Variants in STX2 observed in about 807,000 individuals in gnomAD.
STX2 encodes the protein syntaxin 2.
In STX2, 27 loss-of-function variants were observed where a neutral mutation model predicts 40.6. The ratio of observed to expected loss-of-function variants is 0.66; its 90% confidence interval spans 0.49 to 0.92. STX2 has a LOEUF of 0.92. Ranked by LOEUF, STX2 falls within the 40% of genes least tolerant of loss-of-function variation. STX2 has a pLI of 0.00. For synonymous variants in STX2, 123 were observed against 119.1 expected (o/e 1.03, Z -0.22); for missense variants, 328 against 366.1 (o/e 0.90, Z 0.85).
At position 130,822,592 on chromosome 12, in the gene STX2, C is replaced by T. The variant is rs12229504; in HGVS notation, c.106-804G>A. On this transcript the variant is annotated intron_variant, in intron 2 of 10. Coordinates refer to ENST00000392373, the MANE Select transcript of STX2 (RefSeq NM_194356.4). ...TATCTAGATGGAGTCATAACATTAT[C>T]TTCAAAAACCTCTACGGCAGGCTGA... 5.3e-3 allele frequency among the ~76,000 whole-genome samples: 805 copies of T among 152,210 alleles called. 33 individuals carry two copies. In the South Asian group the frequency reaches 0.085, roughly 16 times the overall value.
In STX2 at chr12:130,797,087, C is replaced by T. The variant is rs562756655; in HGVS notation, c.787-967G>A. ...AGTGTCATTTCTGAAACAGGCATCA[C>T]GTCTCTGACGAGTTTATACGCCAGC... On this transcript the variant is annotated intron_variant, in intron 9 of 10. Transcript: ENST00000392373. Among the ~76,000 whole-genome samples, 147 of 152,350 alleles carry T rather than the reference C, an allele frequency of 9.6e-4. 2 individuals carry two copies. The highest frequency in any genetic ancestry group is 2.8e-3 in the Admixed American group (43 of 15,300).
At chr12:130,821,556 ACT>A in intron 3 of STX2, 131 bp downstream of exon 3, 1 of 702,914 alleles carries the variant, frequency 1.4e-6, no homozygotes, top group Non-Finnish European at 2.4e-6. Context: ...AACGCCTCAG[ACT>A]CTCTAGGGTG....
chr12:130,816,362 A>G (rs1951858580), intron 3 of STX2, among the ~76,000 whole-genome samples: 1 of 152,180 alleles, frequency 6.6e-6, no homozygotes, highest in Non-Finnish European at 1.5e-5. Context: ...GCCGTTACAC[A>G]GCAGGGGTGG....
chr12:130,829,842 A>T (rs1006095601), intron 1 of STX2, among the ~76,000 whole-genome samples: 5 of 151,944 alleles, frequency 3.3e-5, no homozygotes, highest in Non-Finnish European at 4.4e-5. Context: ...GGGGGTGGGG[A>T]GGAGGGGTGG....
chr12:130,828,591 G>A (rs1015263167), intron 1 of STX2, among the ~76,000 whole-genome samples: 2 of 151,706 alleles, frequency 1.3e-5, no homozygotes, highest in Admixed American at 6.6e-5. Context: ...AATGGGCCGG[G>A]CGCGGTGGCT....
chr12:130,809,585 G>A (rs1042226329), intron 4 of STX2, among the ~76,000 whole-genome samples: 1 of 152,222 alleles, frequency 6.6e-6, no homozygotes, highest in Non-Finnish European at 1.5e-5. Flanking sequence ...GGGAGGCTAA[G>A]GCAGGCGGAT....
At position 130,808,684 on chromosome 12, in the gene STX2, G is replaced by A; in HGVS notation, c.301C>T (p.Gln101Ter). The A allele has an allele frequency of 6.2e-7, 1 of 1,611,728 alleles. No homozygotes were observed. The highest frequency in any genetic ancestry group is 8.5e-7 in the Non-Finnish European group (1 of 1,179,376). The change falls in exon 5 of 11, where the codon CAG (glutamine) becomes TAG (stop). Residue 101 changes from glutamine to a stop codon, truncating the protein, a stop_gained. Transcript: ENST00000392373. LOFTEE classifies it high-confidence loss of function. ...KLKAIEQSFD[Q>*]DESGNRTSVD... is the part of the protein sequence containing the mutation. Reference sequence around the variant, plus strand: ...GAAGTCCGGTTCCCACTCTCATCCTGATCAAAACTTTGTTCAATAGCTAGG... The same window carrying A: ...GAAGTCCGGTTCCCACTCTCATCCTAATCAAAACTTTGTTCAATAGCTAGG...
chr12:130,825,041 CTT>C (rs1277477285), intron 2 of STX2, among the ~76,000 whole-genome samples: 68 of 132,324 alleles, frequency 5.1e-4, no homozygotes, highest in Middle Eastern at 4.1e-3. Context: ...CTTTTCTGTT[CTT>C]TTTTTTTTTT....
intron 10 of STX2, among the ~76,000 whole-genome samples, chr12:130,794,323 G>T (rs111890557): frequency 0.051 from 7,803 of 152,124 alleles, 616 homozygotes; most frequent in African/African-American, 0.17. Context: ...AAAAATAGAC[G>T]GTAAGAGAGT....
Position 130,821,681 on chromosome 12 carries a change from C to G in STX2, c.205+8G>C, listed in dbSNP as rs1358772972. The stretch of plus-strand genomic sequence containing the variant: ...ACAAACGTTTTGTTGTGAAAACCAA[C>G]AACTTACTTCCTTCCGGGTTTGGTG... On this transcript the variant is annotated splice_region_variant and intron_variant, in intron 3 of 10. Transcript: ENST00000392373. 2 of 1,611,936 alleles carry G rather than the reference C, an allele frequency of 1.2e-6. No homozygotes were observed. The highest frequency in any genetic ancestry group is 4.5e-5 in the East Asian group (2 of 44,862).
chr12:130,806,615 GGCCGCT>G (rs1343029675), intron 6 of STX2, among the ~76,000 whole-genome samples: 1 of 152,162 alleles, frequency 6.6e-6, no homozygotes, highest in African/African-American at 2.4e-5. Context: ...GGGGCAATAG[GGCCGCT>G]GCCTCTGCTC....
chr12:130,797,608 C>T (rs142687982), intron 9 of STX2, among the ~76,000 whole-genome samples: 5 of 152,262 alleles, frequency 3.3e-5, no homozygotes, highest in South Asian at 2.1e-4. Context: ...TTTCCTAACA[C>T]GGTGAAAATC....
chr12:130,830,433 G>GTAAACAACCAGAGGC (rs1952516075), intron 1 of STX2, among the ~76,000 whole-genome samples: 2 of 152,134 alleles, frequency 1.3e-5, no homozygotes, highest in Admixed American at 1.3e-4. Context: ...GTGGCGTGGC[G>GTAAACAACCAGAGGC]TCAATCCTCC....
rs545213586 is a variant in STX2 at position 130,792,930 on chromosome 12, G to A, written c.*46-953C>T. On this transcript the variant is annotated intron_variant, in intron 10 of 10. Coordinates refer to ENST00000392373, the MANE Select transcript of STX2 (RefSeq NM_194356.4). ...ACAAGGCAAAGCGAGACCACCTTTGGCTTAATAAATGGAGTCTCCTCCAGG... is the reference window on the plus strand; with the variant it reads ...ACAAGGCAAAGCGAGACCACCTTTGACTTAATAAATGGAGTCTCCTCCAGG... Among the ~76,000 whole-genome samples the A allele has an allele frequency of 8.5e-5, 13 of 152,284 alleles. No individual in the cohort carries two copies. The South Asian group carries it at 2.3e-3, about 27-fold the overall frequency.
chr12:130,823,651 C>T (rs1211089857), intron 2 of STX2, among the ~76,000 whole-genome samples: 12 of 152,186 alleles, frequency 7.9e-5, no homozygotes, highest in African/African-American at 1.9e-4. Flanking sequence ...AGGAGGCTTG[C>T]GGCTCTGCCC....
rs1218646535 is a variant in STX2, at chr12:130,791,054, C to A, written c.*969G>T. 1.3e-5 allele frequency: 2 copies of A among 152,294 alleles called. No homozygotes were observed. Among genetic ancestry groups the A allele is most frequent in the African/African-American group, 4.8e-5 (2 of 41,436 alleles). 9.4% of individuals were successfully genotyped at this position (152,294 alleles called of 1,614,324 possible). A position where few individuals can be genotyped will look rare whatever the true frequency, so the allele number is the denominator to read the frequency against. On this transcript the variant is annotated 3_prime_UTR_variant, in exon 11 of 11. Transcript: ENST00000392373. ...ACATTCAGTATATAAAAATGGGGTACATTAAGATGCTAATAAATTAAACAA... is the reference window on the plus strand; with the variant it reads ...ACATTCAGTATATAAAAATGGGGTAAATTAAGATGCTAATAAATTAAACAA...
chr12:130,811,593 G>A (rs1951658810), intron 4 of STX2, among the ~76,000 whole-genome samples: 12 of 132,730 alleles, frequency 9.0e-5, no homozygotes, highest in Middle Eastern at 5.1e-3. Flanking sequence ...AGGCTGGAGT[G>A]CAGTGGCGTG....
chr12:130,828,391 CTTTTTTTT>C (rs35993256), intron 1 of STX2, among the ~76,000 whole-genome samples: 1 of 106,526 alleles, frequency 9.4e-6, no homozygotes, highest in African/African-American at 3.7e-5. Flanking sequence ...CCACACCCGG[CTTTTTTTT>C]TTTTTTTTTT....
At chr12:130,798,746 G>A in intron 8 of STX2, 111 bp from the exon 9 acceptor site, 3 of 658,662 alleles carry the variant, frequency 4.6e-6, no homozygotes, top group Non-Finnish European at 7.0e-6. Context: ...GCATGTAATG[G>A]ATACTGAGGG....
Sources: gnomAD v4.1 joint callset for allele counts (sites outside exome capture counted in the v4.1 genomes callset) on GRCh38, gnomAD v4.1.1 for gene constraint, MANE v1.5 for transcripts, NCBI Gene and HGNC (gene_info 2026-07-23, HGNC 2026-07-21) for gene names.